The following PLXDC2 variants were observed in gnomAD, a reference collection of about 807,000 sequenced individuals.
PLXDC2 encodes the protein plexin domain containing 2, also known as plexin domain-containing protein 2.
In PLXDC2, 40 loss-of-function variants were observed where a neutral mutation model predicts 68.9. The ratio of observed to expected loss-of-function variants is 0.58; its 90% CI spans 0.45 to 0.76. The LOEUF is 0.76. Among genes scored for constraint, PLXDC2 ranks in the 30% least tolerant of loss-of-function variants. The pLI, the probability that PLXDC2 is intolerant of heterozygous loss-of-function variation, is 0.00. For synonymous variants in PLXDC2, 243 were observed against 234.2 expected, an observed-to-expected ratio of 1.04 and a Z score of -0.34; for missense variants, 644 against 661.9, an observed-to-expected ratio of 0.97 and a Z score of 0.30.
intron 2 of PLXDC2, chr10:20,043,403 G>A (rs368603059): frequency 8.5e-5 from 13 of 152,058 alleles, no homozygotes; most frequent in Non-Finnish European, 1.5e-4. Flanking sequence ...AGACTAAATC[G>A]TGTATATTTT....
chr10:20,072,424 G>A (rs11011783), intron 4 of PLXDC2, among the ~76,000 whole-genome samples: 43 of 130,244 alleles, frequency 3.3e-4, no homozygotes, highest in East Asian at 1.1e-3. Flanking sequence ...GAAAGAAAGA[G>A]AGAAAGAAAG....
intron 6 of PLXDC2, among the ~76,000 whole-genome samples, chr10:20,157,785 A>G (rs1413977523): frequency 6.6e-6 from 1 of 152,240 alleles, no homozygotes; most frequent in Non-Finnish European, 1.5e-5. Flanking sequence ...ATGTATACCA[A>G]GTAATAAACC....
chr10:20,013,520 A>G (rs1835152376), intron 2 of PLXDC2, among the ~76,000 whole-genome samples: 1 of 152,172 alleles, frequency 6.6e-6, no homozygotes, highest in Non-Finnish European at 1.5e-5. Flanking sequence ...AAGAACATTT[A>G]GGTTATAATA....
chr10:20,031,350 A>G (rs184199956), intron 2 of PLXDC2, among the ~76,000 whole-genome samples: 395 of 152,222 alleles, frequency 2.6e-3, no homozygotes, highest in Admixed American at 4.9e-3. Context: ...AGCCTGGGCG[A>G]CAGAGCAAGA....
chr10:20,220,381 G>A (rs11011882), intron 12 of PLXDC2, among the ~76,000 whole-genome samples: 19,158 of 152,052 alleles, frequency 0.13, 1,538 homozygotes, highest in African/African-American at 0.22. Flanking sequence ...TGGAATGGGG[G>A]AAGAGTCCCC....
chr10:19,978,048 C>G (rs1015253041), intron 1 of PLXDC2, among the ~76,000 whole-genome samples: 2 of 152,146 alleles, frequency 1.3e-5, no homozygotes, highest in Admixed American at 6.5e-5. Flanking sequence ...CCTACCCTAC[C>G]TTCCCTATGT....
intron 1 of PLXDC2, among the ~76,000 whole-genome samples, chr10:19,905,662 A>C (rs1179582108): frequency 6.6e-6 from 1 of 152,128 alleles, no homozygotes; most frequent in Non-Finnish European, 1.5e-5. Flanking sequence ...TCTCAATTGC[A>C]CTCCCAATTA....
intron 1 of PLXDC2, among the ~76,000 whole-genome samples, chr10:19,838,360 G>A (rs932744590): frequency 2.6e-5 from 4 of 152,152 alleles, no homozygotes; most frequent in Admixed American, 2.6e-4. Context: ...ATAAAAGACT[G>A]AAAACAACTC....
intron 13 of PLXDC2, among the ~76,000 whole-genome samples, chr10:20,277,206 C>G (rs1347896213): frequency 7.0e-5 from 3 of 42,962 alleles, no homozygotes; most frequent in African/African-American, 3.3e-4. Flanking sequence ...GAGATTCCAT[C>G]TCAAAAAAAA....
At chr10:20,210,194 A>G (rs1835050567) in intron 9 of PLXDC2, among the ~76,000 whole-genome samples, 1 of 152,190 alleles carries the variant, frequency 6.6e-6, no homozygotes, top group Admixed American at 6.5e-5. Context: ...TCCTGTATAT[A>G]CATACCTATG....
At chr10:19,891,681 C>T (rs561547948) in intron 1 of PLXDC2, among the ~76,000 whole-genome samples, 2 of 152,242 alleles carry the variant, frequency 1.3e-5, no homozygotes, top group South Asian at 2.1e-4. Context: ...ACCTCTGGAG[C>T]GATTATAAAG....
At chr10:20,153,953 C>T (rs1185727770) in intron 6 of PLXDC2, among the ~76,000 whole-genome samples, 3 of 152,066 alleles carry the variant, frequency 2.0e-5, no homozygotes, top group Admixed American at 6.6e-5. Context: ...CATATCATAG[C>T]ATATCAAGGC....
chr10:20,254,478 A>G (rs1308928941), intron 13 of PLXDC2, among the ~76,000 whole-genome samples: 1 of 152,150 alleles, frequency 6.6e-6, no homozygotes, highest in African/African-American at 2.4e-5. Flanking sequence ...GAAGTCACAT[A>G]TTTTTAATAA....
At chr10:20,140,401 T>TATATATATATAA in intron 4 of PLXDC2, among the ~76,000 whole-genome samples, 1 of 71,598 alleles carries the variant, frequency 1.4e-5, no homozygotes, top group South Asian at 4.5e-4. Context: ...TATATATATA[T>TATATATATATAA]AAAATATCTA....
At chr10:19,922,992 GATCT>G (rs1350501310) in intron 1 of PLXDC2, among the ~76,000 whole-genome samples, 2 of 152,058 alleles carry the variant, frequency 1.3e-5, no homozygotes, top group Non-Finnish European at 2.9e-5. Flanking sequence ...AAGGAAATCT[GATCT>G]ATCTATCTCT....
chr10:20,217,664 G>T, intron 11 of PLXDC2, 88 bp downstream of exon 11: 1 of 1,366,252 alleles, frequency 7.3e-7, no homozygotes, highest in Admixed American at 3.2e-5. Context: ...ACATGTACTG[G>T]AATAGCTCCT....
intron 4 of PLXDC2, among the ~76,000 whole-genome samples, chr10:20,115,177 C>T (rs570211591): frequency 6.6e-6 from 1 of 152,288 alleles, no homozygotes; most frequent in East Asian, 1.9e-4. Context: ...CTGTCACCGG[C>T]ACACCCAGGA....
rs1183170675 is a variant in PLXDC2, at chr10:20,283,519, G to C, written c.*3700G>C. The C allele has an allele frequency of 6.6e-6, 1 of 152,186 alleles. No homozygotes were observed. Among genetic ancestry groups the C allele is most frequent in the Non-Finnish European group, 1.5e-5 (1 of 68,032 alleles). The allele number at this position is 152,186 out of a possible 1,614,324, so 9.4% of individuals were successfully genotyped here. ...AGTTCATCACGTATCTTGAGAAAAAGAGAATGCATTCAAAACACAAAGCAA... is the reference window on the plus strand; with the variant it reads ...AGTTCATCACGTATCTTGAGAAAAACAGAATGCATTCAAAACACAAAGCAA... On this transcript the variant is annotated 3_prime_UTR_variant, in exon 14 of 14. Transcript: ENST00000377252.
chr10:20,017,922 G>T (rs963065963), intron 2 of PLXDC2, among the ~76,000 whole-genome samples: 2 of 152,192 alleles, frequency 1.3e-5, no homozygotes, highest in African/African-American at 4.8e-5. Flanking sequence ...GAATAGTGGG[G>T]CATGGGGACC....
Sources: allele counts gnomAD v4.1 joint callset (sites outside exome capture counted in the v4.1 genomes callset), GRCh38; gene constraint gnomAD v4.1.1; transcripts MANE v1.5; gene names NCBI Gene and HGNC (gene_info 2026-07-23, HGNC 2026-07-21).